The following MORC4 variants were observed in gnomAD, a reference collection of about 807,000 sequenced individuals.
The protein encoded by MORC4 is MORC family CW-type zinc finger protein 4.
A neutral mutation model predicts 65.5 loss-of-function variants in MORC4; 22 were observed. The observed-to-expected ratio is 0.34, with a 90% CI of 0.24 to 0.48. MORC4 has a LOEUF of 0.48. Ranked by LOEUF, MORC4 falls within the 20% of genes least tolerant of loss-of-function variation. The probability of loss-of-function intolerance (pLI) is 0.99; values close to 1 mark genes in which losing one functional copy is unlikely to be tolerated. For synonymous variants in MORC4, 267 were observed against 255.8 expected, an observed-to-expected ratio of 1.04 and a Z score of -0.42; for missense variants, 624 against 703.0, an observed-to-expected ratio of 0.89 and a Z score of 1.27.
chrX:106,976,885 G>A (rs1294152612), intron 8 of MORC4, among the ~76,000 whole-genome samples: 1 of 111,154 alleles, frequency 9.0e-6, no homozygotes, highest in Non-Finnish European at 1.9e-5. Flanking sequence ...AAATTCTAGG[G>A]CAGAGATTTT....
chrX:106,940,957 C>T lies in MORC4; in HGVS notation c.*522G>A, dbSNP rs1454387232. The T allele has an allele frequency of 1.8e-5, 2 of 111,357 alleles. No individual in the cohort carries two copies. The highest frequency in any genetic ancestry group is 6.5e-5 in the African/African-American group (2 of 30,611). The allele number at this position is 111,357 out of a possible 1,213,427, so 9.2% of individuals were successfully genotyped here. Reference sequence around the variant, plus strand: ...CTTGAACTTCCTCCCCCAGATCTTCCATGTCATATCTGTACCACTCAGTTG... The same window carrying T: ...CTTGAACTTCCTCCCCCAGATCTTCTATGTCATATCTGTACCACTCAGTTG... On this transcript the variant is annotated 3_prime_UTR_variant, in exon 17 of 17. Transcript: ENST00000355610.
In MORC4 at chrX:106,940,788, T is replaced by C. The variant is rs1440912661; in HGVS notation, c.*691A>G. The C allele has an allele frequency of 8.9e-6, 1 of 112,415 alleles. No individual in the cohort carries two copies. The highest frequency in any genetic ancestry group is 1.9e-5 in the Non-Finnish European group (1 of 53,181). 9.3% of individuals were successfully genotyped at this position (112,415 alleles called of 1,213,427 possible). A position where few individuals can be genotyped will look rare whatever the true frequency, so the allele number is the denominator to read the frequency against. ...TCCAATGTAAGAATAACAAGTTTAA[T>C]ATTGAAAATCTGAAAAAGGCAGGAA... On this transcript the variant is annotated 3_prime_UTR_variant, in exon 17 of 17. Transcript: ENST00000355610.
intron 9 of MORC4, among the ~76,000 whole-genome samples, chrX:106,968,642 CAAAAA>C (rs1194053588): frequency 5.6e-5 from 1 of 17,985 alleles, no homozygotes; most frequent in Non-Finnish European, 9.8e-5. Flanking sequence ...AAATGGAAAG[CAAAAA>C]AAAAAAAAAA....
chrX:107,000,021 G>T lies in MORC4; in HGVS notation c.-52C>A. 3.6e-6 allele frequency: 2 copies of T among 556,868 alleles called. No individual in the cohort carries two copies. Among genetic ancestry groups the T allele is most frequent in the Non-Finnish European group, 2.3e-6 (1 of 429,008 alleles). The allele number at this position is 556,868 out of a possible 1,213,427, so 45.9% of individuals were successfully genotyped here. On this transcript the variant is annotated 5_prime_UTR_variant, in exon 1 of 17. Transcript: ENST00000355610. ...GCTGCCGCCGGACCCCTGGCCCGGC[G>T]GTCCGGGACTAGCCCTCGCTCACTT...
At chrX:106,986,257 C>A (rs964940817) in intron 3 of MORC4, 57 bp from the exon 4 acceptor site, 2 of 946,104 alleles carry the variant, frequency 2.1e-6, no homozygotes, top group African/African-American at 3.9e-5. Context: ...AGGTAAAAAG[C>A]ATCCTAAGAT....
intron 7 of MORC4, 81 bp from the exon 8 acceptor site, chrX:106,978,280 T>C (rs1934667226): frequency 1.0e-6 from 1 of 998,478 alleles, no homozygotes; most frequent in South Asian, 2.5e-5. Context: ...GCAAAAACCA[T>C]CAAATACCAA....
At chrX:106,950,984 T>C (rs1390314476) in intron 14 of MORC4, among the ~76,000 whole-genome samples, 1 of 112,329 alleles carries the variant, frequency 8.9e-6, no homozygotes, top group Non-Finnish European at 1.9e-5. Flanking sequence ...TAGGACACTA[T>C]CCAGAAACAC....
chrX:106,980,694 CA>C (rs1247790840), intron 7 of MORC4, among the ~76,000 whole-genome samples, 196 bp downstream of exon 7: 2 of 111,144 alleles, frequency 1.8e-5, no homozygotes, highest in African/African-American at 6.5e-5. Flanking sequence ...CAACAGTTTC[CA>C]GGTGATTTCT....
At chrX:106,988,218 C>A (rs1434721179) in intron 3 of MORC4, among the ~76,000 whole-genome samples, 1 of 111,812 alleles carries the variant, frequency 8.9e-6, no homozygotes, top group Non-Finnish European at 1.9e-5. Context: ...GTTAACCGGA[C>A]TTCAACTTTC....
At chrX:106,967,979 C>G (rs1388764764) in intron 9 of MORC4, among the ~76,000 whole-genome samples, 1 of 111,235 alleles carries the variant, frequency 9.0e-6, no homozygotes, top group African/African-American at 3.3e-5. Flanking sequence ...CACAAAGATA[C>G]TCCTCGAGAA....
chrX:106,995,382 C>CT (rs1389006029), intron 2 of MORC4, among the ~76,000 whole-genome samples: 2 of 111,933 alleles, frequency 1.8e-5, no homozygotes, highest in Non-Finnish European at 3.8e-5. Flanking sequence ...CCCAGACGAC[C>CT]TTTTTAACCT....
intron 9 of MORC4, among the ~76,000 whole-genome samples, chrX:106,963,269 A>G (rs1255358362): frequency 8.9e-6 from 1 of 112,132 alleles, no homozygotes; most frequent in Non-Finnish European, 1.9e-5. Flanking sequence ...TTACATATAC[A>G]ACAACTGCAG....
In MORC4 at chrX:106,941,072, G is replaced by A. The variant is rs1933660416; in HGVS notation, c.*407C>T. On this transcript the variant is annotated 3_prime_UTR_variant, in exon 17 of 17. Coordinates refer to ENST00000355610, the MANE Select transcript of MORC4 (RefSeq NM_024657.5). ...TCTTCGAAGGCTGCAAACATGAGTT[G>A]TACTTGTTAGCTTACCCCAAAATAA... The A allele has an allele frequency of 8.2e-6, 1 of 122,343 alleles. No individual in the cohort carries two copies. The highest frequency in any genetic ancestry group is 1.7e-5 in the Non-Finnish European group (1 of 60,199). The allele number at this position is 122,343 out of a possible 1,213,427, so 10.1% of individuals were successfully genotyped here.
intron 13 of MORC4, among the ~76,000 whole-genome samples, chrX:106,955,986 CA>C (rs1934097134): frequency 9.0e-6 from 1 of 111,390 alleles, no homozygotes; most frequent in Non-Finnish European, 1.9e-5. Flanking sequence ...CGGAGCTGGG[CA>C]ACCATGTCCG....
intron 9 of MORC4, among the ~76,000 whole-genome samples, chrX:106,970,814 G>A (rs1934492551): frequency 8.9e-6 from 1 of 111,821 alleles, no homozygotes; most frequent in Non-Finnish European, 1.9e-5. Flanking sequence ...GGAAATAAGA[G>A]AGGGCACAAA....
chrX:106,964,028 GA>G (rs1051568711), intron 9 of MORC4, among the ~76,000 whole-genome samples: 7 of 110,349 alleles, frequency 6.3e-5, no homozygotes, highest in African/African-American at 1.6e-4. Flanking sequence ...CCACTCAAAG[GA>G]AAAAAATAGA....
intron 7 of MORC4, 120 bp from the exon 8 acceptor site, chrX:106,978,319 G>A (rs780528138): frequency 2.7e-4 from 177 of 664,969 alleles, no homozygotes; most frequent in Non-Finnish European, 3.4e-4. Flanking sequence ...ACCTTTTTGC[G>A]GGCATTTAAA....
In MORC4 at chrX:107,000,150, G is replaced by A; in HGVS notation, c.-181C>T. 1 of 141,229 alleles carries A rather than the reference G, an allele frequency of 7.1e-6. No individual in the cohort carries two copies. Among genetic ancestry groups the A allele is most frequent in the African/African-American group, 3.1e-5 (1 of 32,493 alleles). The allele number at this position is 141,229 out of a possible 1,213,427, so 11.6% of individuals were successfully genotyped here. On this transcript the variant is annotated 5_prime_UTR_variant, in exon 1 of 17. Coordinates refer to ENST00000355610, the MANE Select transcript of MORC4 (RefSeq NM_024657.5). ...CCAGCCACCTGTCCCGGGCGGGAGG[G>A]GTGAGGCCGGCTGAGGCAAGCGGCG...
intron 3 of MORC4, among the ~76,000 whole-genome samples, chrX:106,986,428 A>G (rs1470574377): frequency 1.8e-5 from 2 of 112,087 alleles, no homozygotes; most frequent in Non-Finnish European, 3.8e-5. Flanking sequence ...TTGTGTATAC[A>G]TAAATAGTTC....
Sources: gnomAD v4.1 joint callset for allele counts (sites outside exome capture counted in the v4.1 genomes callset) on GRCh38, gnomAD v4.1.1 for gene constraint, MANE v1.5 for transcripts, NCBI Gene and HGNC (gene_info 2026-07-23, HGNC 2026-07-21) for gene names.